The following FNDC3B variants were observed in gnomAD, a reference collection of about 807,000 sequenced individuals.
The protein encoded by FNDC3B is fibronectin type III domain-containing protein 3B.
FNDC3B carries 12 observed loss-of-function variants against 151.5 expected under a neutral mutation model. That is an observed-to-expected ratio of 0.08 (90% CI 0.05 to 0.13). The LOEUF is 0.13. Among genes scored for constraint, FNDC3B ranks in the 10% least tolerant of loss-of-function variants. The probability of loss-of-function intolerance (pLI) is 1.00; values close to 1 mark genes in which losing one functional copy is unlikely to be tolerated. For synonymous variants in FNDC3B, 528 were observed against 549.0 expected, an observed-to-expected ratio of 0.96 and a Z score of 0.54; for missense variants, 1,214 against 1,505.3, an observed-to-expected ratio of 0.81 and a Z score of 3.20.
At chr3:172,373,248 A>G (rs906653320) in intron 23 of FNDC3B, among the ~76,000 whole-genome samples, 5 of 152,156 alleles carry the variant, frequency 3.3e-5, no homozygotes, top group African/African-American at 1.2e-4. Context: ...TTCCTACTCC[A>G]GGGATCTCCT....
chr3:172,316,056 G>A (rs1028474978), intron 11 of FNDC3B, among the ~76,000 whole-genome samples: 4 of 135,620 alleles, frequency 2.9e-5, no homozygotes, highest in Non-Finnish European at 6.1e-5. Flanking sequence ...TGCCCAGGCT[G>A]GAGTGCAACG....
chr3:172,115,766 G>C (rs1720217020), intron 2 of FNDC3B, among the ~76,000 whole-genome samples: 3 of 152,132 alleles, frequency 2.0e-5, no homozygotes, highest in African/African-American at 7.2e-5. Context: ...GCCATCCCCT[G>C]GCCATAGGAT....
At chr3:172,389,443 A>C (rs1735891234) in intron 25 of FNDC3B, among the ~76,000 whole-genome samples, 1 of 152,248 alleles carries the variant, frequency 6.6e-6, no homozygotes, top group African/African-American at 2.4e-5. Flanking sequence ...GTGTGCTCTC[A>C]CATTTACATA....
At chr3:172,151,866 T>C (rs1162496477) in intron 3 of FNDC3B, among the ~76,000 whole-genome samples, 1 of 152,194 alleles carries the variant, frequency 6.6e-6, no homozygotes, top group Non-Finnish European at 1.5e-5. Flanking sequence ...TCACTCAAAG[T>C]TGCAGCTTCC....
chr3:172,098,817 T>G (rs1373964246), intron 1 of FNDC3B, among the ~76,000 whole-genome samples: 1 of 152,170 alleles, frequency 6.6e-6, no homozygotes, highest in Non-Finnish European at 1.5e-5. Context: ...ACATGGCATT[T>G]ATAGTGGTCC....
At chr3:172,119,729 ACTT>A (rs1311402069) in intron 2 of FNDC3B, among the ~76,000 whole-genome samples, 1 of 152,136 alleles carries the variant, frequency 6.6e-6, no homozygotes, top group African/African-American at 2.4e-5. Flanking sequence ...CTTTGCTTGA[ACTT>A]CTGCTACTTA....
chr3:172,380,867 A>G, intron 24 of FNDC3B, 99 bp from the exon 25 acceptor site: 1 of 1,375,122 alleles, frequency 7.3e-7, no homozygotes, highest in Non-Finnish European at 1.0e-6. Flanking sequence ...ACACAGGCAC[A>G]ATCTTGCTCT....
intron 9 of FNDC3B, among the ~76,000 whole-genome samples, chr3:172,305,841 T>C (rs985525094): frequency 6.6e-6 from 1 of 152,146 alleles, no homozygotes; most frequent in African/African-American, 2.4e-5. Context: ...AGTGAGCCCA[T>C]CCTGACACAG....
At chr3:172,118,546 G>A (rs1720375495) in intron 2 of FNDC3B, among the ~76,000 whole-genome samples, 1 of 152,216 alleles carries the variant, frequency 6.6e-6, no homozygotes, top group African/African-American at 2.4e-5. Context: ...GGGAGTGACA[G>A]TTAAAAAAGA....
At chr3:172,111,096 TAAAAAAA>T (rs1240844592) in intron 1 of FNDC3B, among the ~76,000 whole-genome samples, 1 of 104,780 alleles carries the variant, frequency 9.5e-6, no homozygotes, top group Non-Finnish European at 1.9e-5. Context: ...GAGACTCCAT[TAAAAAAA>T]AAAAAAAAAA....
intron 1 of FNDC3B, among the ~76,000 whole-genome samples, chr3:172,067,407 G>C (rs1018426680): frequency 3.9e-5 from 6 of 152,078 alleles, no homozygotes; most frequent in Non-Finnish European, 5.9e-5. Flanking sequence ...TGATCTGTGA[G>C]GCTTTTCTGC....
intron 1 of FNDC3B, among the ~76,000 whole-genome samples, chr3:172,097,746 A>C (rs1400822943): frequency 6.6e-6 from 1 of 152,200 alleles, no homozygotes; most frequent in African/African-American, 2.4e-5. Context: ...ACACTTCCTC[A>C]TAGTCTGGTT....
At position 172,334,318 on chromosome 3, in the gene FNDC3B, TCC is replaced by T. The variant is rs11339828; in HGVS notation, c.1642-617_1642-616del. 3.8e-3 allele frequency among the ~76,000 whole-genome samples: 471 copies of T among 123,548 alleles called. 3 individuals are homozygous for T. Among genetic ancestry groups the T allele is most frequent in the African/African-American group, 0.01 (360 of 35,472 alleles). 81.1% of individuals were successfully genotyped at this position (123,548 alleles called of 152,430 possible). ...TTTAAAAAGTGGGGCTATTTTTATG[TCC>T]CCCCCCCCACCCCCATATTTTCCTT... is the stretch of plus-strand genomic sequence containing the variant. On this transcript the variant is annotated intron_variant, in intron 14 of 25. Coordinates refer to ENST00000415807, the MANE Select transcript of FNDC3B (RefSeq NM_022763.4).
rs954052450 is a variant in FNDC3B at position 172,306,963 on chromosome 3, C to G, written c.1062-400C>G. On this transcript the variant is annotated intron_variant, in intron 9 of 25. Transcript: ENST00000415807. ...CTCTCCAGTCTGTGACCTCTTATTA[C>G]TGTTTCTTTTGCCTTTTTATCCAGC... 4.8e-5 allele frequency: 8 copies of G among 166,518 alleles called. No individual in the cohort carries two copies. The South Asian group carries it at 1.2e-3, about 25-fold the overall frequency. The allele number at this position is 166,518 out of a possible 1,614,324, so 10.3% of individuals were successfully genotyped here.
chr3:172,273,782 G>T (rs9879473), intron 6 of FNDC3B, among the ~76,000 whole-genome samples: 12,145 of 152,198 alleles, frequency 0.08, 775 homozygotes, highest in African/African-American at 0.18. Flanking sequence ...TGCTAAGGTG[G>T]AGTTTCTTCA....
intron 4 of FNDC3B, among the ~76,000 whole-genome samples, chr3:172,239,856 C>CTTTTTTTTTTGTTTTTTTTTTT (rs1727395013): frequency 2.0e-5 from 1 of 49,914 alleles, no homozygotes; most frequent in African/African-American, 7.5e-5. Context: ...CATTTTAGTT[C>CTTTTTTTTTTGTTTTTTTTTTT]TTTTTTTTTT....
chr3:172,358,644 G>C (rs1187715122), intron 22 of FNDC3B, among the ~76,000 whole-genome samples: 1 of 152,212 alleles, frequency 6.6e-6, no homozygotes, highest in Non-Finnish European at 1.5e-5. Context: ...CACTCTCAAA[G>C]AAGTCATCAG....
At chr3:172,159,017 C>G (rs775737773) in intron 3 of FNDC3B, among the ~76,000 whole-genome samples, 15 of 152,230 alleles carry the variant, frequency 9.9e-5, no homozygotes, top group Non-Finnish European at 2.1e-4. Flanking sequence ...CATGGTGGCT[C>G]ACGCCTGTAA....
intron 1 of FNDC3B, among the ~76,000 whole-genome samples, chr3:172,104,857 TTGG>T: frequency 6.6e-6 from 1 of 152,362 alleles, no homozygotes; most frequent in South Asian, 2.1e-4. Flanking sequence ...GTTGATGCTG[TTGG>T]TGTTTCCATG....
Sources: gnomAD v4.1 joint callset for allele counts (sites outside exome capture counted in the v4.1 genomes callset) on GRCh38, gnomAD v4.1.1 for gene constraint, MANE v1.5 for transcripts, NCBI Gene and HGNC (gene_info 2026-07-23, HGNC 2026-07-21) for gene names.